NUDCD3: variants seen among roughly 807,000 people sequenced by gnomAD.
The protein encoded by NUDCD3 is NudC domain containing 3, also known as nudC domain-containing protein 3.
A neutral mutation model predicts 39.7 loss-of-function variants in NUDCD3; 13 were observed. The ratio of observed to expected loss-of-function variants is 0.33; its 90% CI spans 0.21 to 0.52. The LOEUF is 0.52. Among genes scored for constraint, NUDCD3 ranks in the 20% least tolerant of loss-of-function variants. NUDCD3 has a pLI of 0.96. For missense variants in NUDCD3, 453 were observed against 458.1 expected, an observed-to-expected ratio of 0.99 and a Z score of 0.10; for synonymous variants, 175 against 172.4, an observed-to-expected ratio of 1.02 and a Z score of -0.12.
intron 2 of NUDCD3, among the ~76,000 whole-genome samples, chr7:44,447,241 A>G (rs1799705255): frequency 6.6e-6 from 1 of 152,248 alleles, no homozygotes; most frequent in Non-Finnish European, 1.5e-5. Context: ...CAAAACCAAA[A>G]GTCTCCAGAG....
chr7:44,389,153 G>T (rs1798462493), intron 5 of NUDCD3, among the ~76,000 whole-genome samples: 1 of 152,288 alleles, frequency 6.6e-6, no homozygotes, highest in South Asian at 2.1e-4. Context: ...GGGGATGCCA[G>T]TTGCACCCTA....
intron 4 of NUDCD3, among the ~76,000 whole-genome samples, chr7:44,395,450 T>C (rs1025585563): frequency 5.3e-5 from 8 of 152,264 alleles, no homozygotes; most frequent in South Asian, 2.1e-4. Context: ...CAATGGCATG[T>C]AGTATATCCA....
At chr7:44,398,450 A>G (rs561768499) in intron 4 of NUDCD3, among the ~76,000 whole-genome samples, 1 of 152,212 alleles carries the variant, frequency 6.6e-6, no homozygotes, top group Non-Finnish European at 1.5e-5. Context: ...CTCATTTTCC[A>G]GCATAACAAA....
intron 2 of NUDCD3, among the ~76,000 whole-genome samples, chr7:44,444,825 T>C (rs1314185056): frequency 6.6e-6 from 1 of 152,208 alleles, no homozygotes; most frequent in African/African-American, 2.4e-5. Flanking sequence ...CTCACAACTC[T>C]TCTTTCAACC....
At chr7:44,484,821 T>G in intron 2 of NUDCD3, 147 bp downstream of exon 2, 1 of 672,950 alleles carries the variant, frequency 1.5e-6, no homozygotes, top group Non-Finnish European at 2.5e-6. Flanking sequence ...ACTGAAAGAC[T>G]GTAATGCAGC....
chr7:44,390,681 T>C (rs1323726798), intron 5 of NUDCD3, among the ~76,000 whole-genome samples: 5 of 152,212 alleles, frequency 3.3e-5, no homozygotes. Flanking sequence ...CTCAGTCCTT[T>C]TGTGGACCCA....
At chr7:44,456,063 C>T (rs868849101) in intron 2 of NUDCD3, among the ~76,000 whole-genome samples, 16,391 of 118,494 alleles carry the variant, frequency 0.14, 1,451 homozygotes, top group Non-Finnish European at 0.21. Flanking sequence ...AAAAAACAAA[C>T]AACAATAACA....
intron 2 of NUDCD3, among the ~76,000 whole-genome samples, chr7:44,450,274 G>T (rs926767020): frequency 6.6e-6 from 1 of 151,684 alleles, no homozygotes; most frequent in Non-Finnish European, 1.5e-5. Flanking sequence ...ACCTCCTGGG[G>T]TCAAGAGATT....
At chr7:44,434,784 C>T (rs942247792) in intron 2 of NUDCD3, among the ~76,000 whole-genome samples, 3 of 152,222 alleles carry the variant, frequency 2.0e-5, no homozygotes, top group East Asian at 1.9e-4. Flanking sequence ...CCAGCTTCCC[C>T]GCACAGCAAC....
At chr7:44,449,576 A>C (rs1036304355) in intron 2 of NUDCD3, among the ~76,000 whole-genome samples, 3 of 152,202 alleles carry the variant, frequency 2.0e-5, no homozygotes, top group Non-Finnish European at 4.4e-5. Flanking sequence ...CTATGCAAAG[A>C]AGCAGAAGGA....
chr7:44,475,327 G>T (rs1331212023), intron 2 of NUDCD3, among the ~76,000 whole-genome samples: 1 of 151,976 alleles, frequency 6.6e-6, no homozygotes, highest in Non-Finnish European at 1.5e-5. Context: ...GGCCAGGCTG[G>T]TCTACATCAC....
intron 2 of NUDCD3, among the ~76,000 whole-genome samples, chr7:44,428,346 G>A (rs936031923): frequency 3.3e-5 from 5 of 151,826 alleles, no homozygotes; most frequent in African/African-American, 1.2e-4. Context: ...TTGGGCAGGA[G>A]AATCGCTTGA....
chr7:44,390,504 G>A (rs1243509437), intron 5 of NUDCD3, among the ~76,000 whole-genome samples: 2 of 152,010 alleles, frequency 1.3e-5, no homozygotes, highest in African/African-American at 4.8e-5. Context: ...TGGGGAAGAT[G>A]TGAGAAACCA....
intron 4 of NUDCD3, among the ~76,000 whole-genome samples, chr7:44,394,794 C>T (rs1360163803): frequency 1.3e-5 from 2 of 152,234 alleles, no homozygotes; most frequent in Non-Finnish European, 2.9e-5. Context: ...GGTCGGCCTA[C>T]ATACCATCCA....
chr7:44,451,843 G>C (rs1190205980), intron 2 of NUDCD3, among the ~76,000 whole-genome samples: 1 of 152,158 alleles, frequency 6.6e-6, no homozygotes, highest in Non-Finnish European at 1.5e-5. Context: ...AAGAGGAAAG[G>C]AAGCCAGAGT....
chr7:44,456,241 G>A (rs1799899534), intron 2 of NUDCD3, among the ~76,000 whole-genome samples: 1 of 151,304 alleles, frequency 6.6e-6, no homozygotes, highest in Admixed American at 6.6e-5. Context: ...AAAAAAATTA[G>A]AAAAATGAAA....
At position 44,485,040 on chromosome 7, in the gene NUDCD3, G is replaced by A. The variant is rs1275999400; in HGVS notation, c.437C>T (p.Ser146Leu). The change falls in exon 2 of 6, where the codon TCA (serine) becomes TTA (leucine). Residue 146 changes from serine (S) to leucine (L), a missense_variant. Physicochemically the swap from Ser to Leu is moderately radical, Grantham distance 145 (BLOSUM62 -2). Coordinates refer to ENST00000355451, the MANE Select transcript of NUDCD3 (RefSeq NM_015332.4). ...TGCTCCTGGAGCTTCTGCCTCCTGT[G>A]AACCATGGGCCATTTCCTTCACAGG... Reference protein sequence around the residue: ...PGPVKEMAHGSQEAEAPGAVA... With the variant: ...PGPVKEMAHGLQEAEAPGAVA... The A allele has an allele frequency of 6.2e-7, 1 of 1,614,222 alleles. No homozygotes were observed. The highest frequency in any genetic ancestry group is 2.2e-5 in the East Asian group (1 of 44,886).
chr7:44,471,091 C>A (rs1209350203), intron 2 of NUDCD3, among the ~76,000 whole-genome samples: 1 of 152,154 alleles, frequency 6.6e-6, no homozygotes, highest in Non-Finnish European at 1.5e-5. Context: ...TGCATGGTGA[C>A]GACAAATGGT....
chr7:44,467,916 T>G, intron 2 of NUDCD3: 1 of 1,606,594 alleles, frequency 6.2e-7, no homozygotes. Flanking sequence ...CTCAGACCCC[T>G]TGTGAAGCCC....
Sources: allele counts gnomAD v4.1 joint callset (sites outside exome capture counted in the v4.1 genomes callset), GRCh38; gene constraint gnomAD v4.1.1; transcripts MANE v1.5; gene names NCBI Gene and HGNC (gene_info 2026-07-23, HGNC 2026-07-21).